The following ATP6V1C1 variants were observed in gnomAD, a reference collection of about 807,000 sequenced individuals.
The protein encoded by ATP6V1C1 is V-type proton ATPase subunit C 1.
ATP6V1C1 carries 45 observed loss-of-function variants against 53.9 expected under a neutral mutation model. That is an observed-to-expected ratio of 0.83 (90% CI 0.66 to 1.07). The LOEUF (loss-of-function observed/expected upper bound fraction) is 1.07, where lower values mean the gene tolerates loss of function less well. ATP6V1C1 is among the 50% of genes least tolerant of loss of function. The pLI, the probability that ATP6V1C1 is intolerant of heterozygous loss-of-function variation, is 0.00. For synonymous variants in ATP6V1C1, 153 were observed against 155.2 expected (o/e 0.99, Z 0.11); for missense variants, 315 against 440.3 (o/e 0.72, Z 2.55).
At chr8:103,047,917 G>T (rs1201346494) in intron 3 of ATP6V1C1, among the ~76,000 whole-genome samples, 1 of 152,152 alleles carries the variant, frequency 6.6e-6, no homozygotes, top group Non-Finnish European at 1.5e-5. Context: ...GGCAATCTCA[G>T]CTGGCACTGA....
At chr8:103,023,958 A>G (rs935562962) in intron 1 of ATP6V1C1, among the ~76,000 whole-genome samples, 4 of 152,046 alleles carry the variant, frequency 2.6e-5, no homozygotes, top group African/African-American at 9.7e-5. Flanking sequence ...AACTTTTTCT[A>G]GTAGAACAGC....
chr8:103,059,010 T>G (rs1160851596), intron 8 of ATP6V1C1, among the ~76,000 whole-genome samples: 1 of 151,970 alleles, frequency 6.6e-6, no homozygotes, highest in Non-Finnish European at 1.5e-5. Flanking sequence ...CTGCTTTTGC[T>G]TGTTAAAATA....
chr8:103,054,117 A>C, intron 7 of ATP6V1C1, 135 bp downstream of exon 7: 1 of 602,192 alleles, frequency 1.7e-6, no homozygotes, highest in Non-Finnish European at 2.7e-6. Flanking sequence ...TCTGTCATCA[A>C]CATTTGCTCA....
In ATP6V1C1 at chr8:103,053,950, G is replaced by A; in HGVS notation, c.540G>A (p.Glu180=). Residue 180 remains glutamate (E), a synonymous_variant, in exon 7 of 13, where the codon GAG becomes GAA. Coordinates refer to ENST00000518738, the MANE Select transcript of ATP6V1C1 (RefSeq NM_001695.5). The part of the protein sequence containing the change: ...VKKDDFVLDS[E]YLVTLLVVVP... ...AGGATGACTTTGTTCTTGATTCAGA[G>A]TATCTCGTCACATTACTGGTAGTAG... 5.6e-6 allele frequency: 9 copies of A among 1,610,196 alleles called. No individual in the cohort carries two copies. The highest frequency in any genetic ancestry group is 7.6e-6 in the Non-Finnish European group (9 of 1,178,076).
chr8:103,047,530 A>G (rs1238338315), intron 3 of ATP6V1C1, among the ~76,000 whole-genome samples: 3 of 149,532 alleles, frequency 2.0e-5, no homozygotes, highest in East Asian at 3.9e-4. Context: ...TTCCCCTCCT[A>G]GCTGTTGAGC....
intron 2 of ATP6V1C1, among the ~76,000 whole-genome samples, chr8:103,041,787 G>A (rs1186140949): frequency 1.3e-5 from 2 of 152,066 alleles, no homozygotes; most frequent in African/African-American, 4.8e-5. Flanking sequence ...CAAGAGAATC[G>A]CTTGAATCTA....
Position 103,070,745 on chromosome 8 carries a change from C to A in ATP6V1C1, c.*1998C>A, listed in dbSNP as rs536348926. 3.9e-5 allele frequency: 6 copies of A among 152,374 alleles called. No homozygotes were observed. The highest frequency in any genetic ancestry group is 9.6e-5 in the African/African-American group (4 of 41,566). The allele number at this position is 152,374 out of a possible 1,614,324, so 9.4% of individuals were successfully genotyped here. A position where few individuals can be genotyped will look rare whatever the true frequency, so the allele number is the denominator to read the frequency against. Reference sequence around the variant, plus strand: ...CATATGTCTGAAACGACGGGACTTTCACTGTGATTTCCACCAGAGAAATTA... The same window carrying A: ...CATATGTCTGAAACGACGGGACTTTAACTGTGATTTCCACCAGAGAAATTA... On this transcript the variant is annotated 3_prime_UTR_variant, in exon 13 of 13. Coordinates refer to ENST00000518738, the MANE Select transcript of ATP6V1C1 (RefSeq NM_001695.5).
chr8:103,055,803 T>G lies in ATP6V1C1; in HGVS notation c.573-65T>G, dbSNP rs2131398282. 3 of 1,468,030 alleles carry G rather than the reference T, an allele frequency of 2.0e-6. No individual in the cohort carries two copies. The South Asian group carries it at 3.5e-5, about 17-fold the overall frequency. The allele number at this position is 1,468,030 out of a possible 1,614,324, so 90.9% of individuals were successfully genotyped here. ...CTATTTGTCTCATAATTTTTTCTCTTCCTGGATATGGCAGGAAATAGGACT... is the reference window on the plus strand; with the variant it reads ...CTATTTGTCTCATAATTTTTTCTCTGCCTGGATATGGCAGGAAATAGGACT... On this transcript the variant is annotated intron_variant, in intron 7 of 12. Transcript: ENST00000518738.
Position 103,029,106 on chromosome 8 carries a change from T to TA in ATP6V1C1, c.-40+7881_-40+7882insA, listed in dbSNP as rs965917478. On this transcript the variant is annotated intron_variant, in intron 1 of 12. Coordinates refer to ENST00000518738, the MANE Select transcript of ATP6V1C1 (RefSeq NM_001695.5). ...AGATAATTGTTGACAGTTTTTTTTT[T>TA]TATAATTTAATGTTTATACCTATGC... Among the ~76,000 whole-genome samples the TA allele has an allele frequency of 2.7e-4, 41 of 151,994 alleles. 1 individual carries two copies. The highest frequency in any genetic ancestry group is 3.4e-3 in the Middle Eastern group (1 of 294).
intron 1 of ATP6V1C1, among the ~76,000 whole-genome samples, chr8:103,024,803 A>G (rs191841906): frequency 2.6e-5 from 4 of 152,340 alleles, no homozygotes; most frequent in African/African-American, 9.6e-5. Context: ...TTCAAACTAT[A>G]TTCTTGATGC....
intron 1 of ATP6V1C1, among the ~76,000 whole-genome samples, chr8:103,033,949 T>TG (rs1357919793): frequency 2.0e-5 from 3 of 152,150 alleles, no homozygotes; most frequent in Non-Finnish European, 4.4e-5. Flanking sequence ...GACTACATAT[T>TG]GGGGAAGAGA....
chr8:103,063,455 G>C (rs143779405), intron 10 of ATP6V1C1, among the ~76,000 whole-genome samples: 135 of 152,000 alleles, frequency 8.9e-4, no homozygotes, highest in African/African-American at 3.2e-3. Flanking sequence ...ATGTCTATCT[G>C]AGATAGAATA....
intron 1 of ATP6V1C1, among the ~76,000 whole-genome samples, chr8:103,033,943 A>G (rs1359259842): frequency 1.3e-5 from 2 of 152,226 alleles, no homozygotes; most frequent in South Asian, 2.1e-4. Flanking sequence ...GAGTAGGACT[A>G]CATATTGGGG....
At chr8:103,050,689 A>G (rs772872962) in intron 4 of ATP6V1C1, among the ~76,000 whole-genome samples, 1 of 151,496 alleles carries the variant, frequency 6.6e-6, no homozygotes, top group East Asian at 1.9e-4. Context: ...TTATCAAAGA[A>G]AGAACATACT....
chr8:103,062,431 AAG>A (rs1817419040), intron 8 of ATP6V1C1, among the ~76,000 whole-genome samples: 1 of 151,800 alleles, frequency 6.6e-6, no homozygotes, highest in South Asian at 2.1e-4. Context: ...CAGCCTGCCA[AAG>A]TGTTGGGATT....
Position 103,070,532 on chromosome 8 carries a change from C to T in ATP6V1C1, c.*1785C>T, listed in dbSNP as rs1563612519. On this transcript the variant is annotated 3_prime_UTR_variant, in exon 13 of 13. Transcript: ENST00000518738. The stretch of plus-strand genomic sequence containing the variant: ...TGTCTTTTGCACATGTTCTTTGAGT[C>T]TTAGTATCTGTAACGTGGCGCTACT... 3 of 152,152 alleles carry T rather than the reference C, an allele frequency of 2.0e-5. No homozygotes were observed. Among genetic ancestry groups the T allele is most frequent in the Admixed American group, 6.6e-5 (1 of 15,264 alleles). The allele number at this position is 152,152 out of a possible 1,614,324, so 9.4% of individuals were successfully genotyped here.
chr8:103,045,345 G>T (rs1400902298), intron 3 of ATP6V1C1, among the ~76,000 whole-genome samples: 1 of 152,186 alleles, frequency 6.6e-6, no homozygotes, highest in Non-Finnish European at 1.5e-5. Flanking sequence ...TAGTGAGGAA[G>T]TAAACAGATC....
At chr8:103,022,827 T>C (rs1295415869) in intron 1 of ATP6V1C1, among the ~76,000 whole-genome samples, 1 of 152,024 alleles carries the variant, frequency 6.6e-6, no homozygotes, top group East Asian at 1.9e-4. Context: ...GGTGGGAGGA[T>C]TGCCTGAGGC....
At chr8:103,023,666 AT>A (rs1193333323) in intron 1 of ATP6V1C1, among the ~76,000 whole-genome samples, 1 of 152,120 alleles carries the variant, frequency 6.6e-6, no homozygotes, top group African/African-American at 2.4e-5. Flanking sequence ...TTTCATATTT[AT>A]TTTGTTCTCA....
Sources: allele counts gnomAD v4.1 joint callset (sites outside exome capture counted in the v4.1 genomes callset), GRCh38; gene constraint gnomAD v4.1.1; transcripts MANE v1.5; gene names NCBI Gene and HGNC (gene_info 2026-07-23, HGNC 2026-07-21).